The following USP45 variants were observed in gnomAD, a reference collection of about 807,000 sequenced individuals.
The protein encoded by USP45 is ubiquitin carboxyl-terminal hydrolase 45.
In USP45, 89 loss-of-function variants were observed where a neutral mutation model predicts 95.8. The ratio of observed to expected loss-of-function variants is 0.93; its 90% CI spans 0.78 to 1.11. The LOEUF is 1.11. USP45 is among the 50% of genes least tolerant of loss of function. The pLI, the probability that USP45 is intolerant of heterozygous loss-of-function variation, is 0.00. For missense variants in USP45, 898 were observed against 942.5 expected, an observed-to-expected ratio of 0.95 and a Z score of 0.62; for synonymous variants, 281 against 316.2, an observed-to-expected ratio of 0.89 and a Z score of 1.18.
intron 10 of USP45, among the ~76,000 whole-genome samples, chr6:99,467,722 C>T (rs1296931385): frequency 1.3e-5 from 2 of 151,906 alleles, no homozygotes; most frequent in African/African-American, 4.8e-5. Context: ...ACTATCTCAA[C>T]ACAAAAGAAC....
chr6:99,516,006 T>C (rs796282902), upstream of USP45, among the ~76,000 whole-genome samples: 104 of 152,086 alleles, frequency 6.8e-4, no homozygotes, highest in African/African-American at 2.3e-3. Context: ...CTCGATCTCC[T>C]GACCTTGTGA....
At position 99,433,343 on chromosome 6, in the gene USP45, TTGA is replaced by T. The variant is rs1348647536; in HGVS notation, c.*2370_*2372del. On this transcript the variant is annotated 3_prime_UTR_variant, in exon 18 of 18. Coordinates refer to ENST00000500704, the MANE Select transcript of USP45 (RefSeq NM_001346022.3). ...TCATTCAAACACTATGGTAGTTATG[TTGA>T]TGATAAGTAAACATTATTATTTATT... is the stretch of plus-strand genomic sequence containing the variant. The T allele has an allele frequency of 4.6e-5, 7 of 152,628 alleles. No individual in the cohort carries two copies. Among genetic ancestry groups the T allele is most frequent in the African/African-American group, 1.7e-4 (7 of 41,446 alleles). The allele number at this position is 152,628 out of a possible 1,614,324, so 9.5% of individuals were successfully genotyped here.
At chr6:99,515,279 C>A (rs1040034379) in intron 1 of USP45, 113 bp downstream of exon 1, 1 of 152,188 alleles carries the variant, frequency 6.6e-6, no homozygotes, top group Non-Finnish European at 1.5e-5. Context: ...GGGTGGGGAG[C>A]CTCTCTTCCA....
At chr6:99,468,649 A>C (rs1296602936) in intron 9 of USP45, 31 bp from the exon 10 acceptor site, 5 of 1,458,954 alleles carry the variant, frequency 3.4e-6, no homozygotes, top group Non-Finnish European at 4.8e-6. Flanking sequence ...ATTCTGGTCT[A>C]ATAATAGTTA....
At chr6:99,507,378 A>AAAT in intron 4 of USP45, 50 bp downstream of exon 4, 1 of 1,162,508 alleles carries the variant, frequency 8.6e-7, no homozygotes, top group Non-Finnish European at 1.2e-6. Context: ...AAAAAAAAAA[A>AAAT]TTGGGGGGCT....
At chr6:99,516,408 G>A (rs1005994142), upstream of USP45, among the ~76,000 whole-genome samples, 9 of 152,194 alleles carry the variant, frequency 5.9e-5, no homozygotes, top group African/African-American at 1.7e-4. Context: ...GTGGCTTTAA[G>A]GATAAGAGCA....
intron 5 of USP45, among the ~76,000 whole-genome samples, chr6:99,489,776 G>C (rs769578198): frequency 2.0e-5 from 3 of 151,860 alleles, no homozygotes; most frequent in Non-Finnish European, 4.4e-5. Context: ...GTGAAAGCCC[G>C]TCTCTACTAA....
At chr6:99,447,441 G>A (rs921918339) in intron 13 of USP45, among the ~76,000 whole-genome samples, 1 of 152,110 alleles carries the variant, frequency 6.6e-6, no homozygotes, top group Admixed American at 6.5e-5. Flanking sequence ...AATAACATTA[G>A]CCAACAAGTT....
intron 9 of USP45, among the ~76,000 whole-genome samples, chr6:99,474,717 C>A (rs192526907): frequency 1.3e-5 from 2 of 152,272 alleles, no homozygotes; most frequent in Admixed American, 6.5e-5. Context: ...TGAGGCTGAA[C>A]CCAAACTCAC....
chr6:99,478,285 A>G (rs1263477235), intron 8 of USP45, among the ~76,000 whole-genome samples: 1 of 141,158 alleles, frequency 7.1e-6, no homozygotes, highest in African/African-American at 2.7e-5. Context: ...GATGATTTCT[A>G]GACTCTATGA....
intron 13 of USP45, among the ~76,000 whole-genome samples, chr6:99,448,211 G>A (rs1165554153): frequency 6.6e-6 from 1 of 152,236 alleles, no homozygotes; most frequent in Non-Finnish European, 1.5e-5. Flanking sequence ...GACGAGTTGA[G>A]AGAAGAAGGC....
chr6:99,484,854 C>G (rs796109135), intron 7 of USP45, among the ~76,000 whole-genome samples: 1 of 65,406 alleles, frequency 1.5e-5, no homozygotes, highest in Non-Finnish European at 3.2e-5. Flanking sequence ...AAAATAAAGT[C>G]TATTTTTTTT....
chr6:99,439,901 A>T (rs771699826), intron 15 of USP45, 46 bp from the exon 16 acceptor site: 1 of 1,477,464 alleles, frequency 6.8e-7, no homozygotes, highest in Non-Finnish European at 9.3e-7. Context: ...TTAGAAATAA[A>T]GCATTGTCTT....
intron 5 of USP45, among the ~76,000 whole-genome samples, chr6:99,491,317 A>G (rs1795120140): frequency 6.6e-6 from 1 of 152,240 alleles, no homozygotes; most frequent in Non-Finnish European, 1.5e-5. Flanking sequence ...AAGAAGCACT[A>G]CACAAACAAG....
At chr6:99,468,971 C>T (rs1009583179) in intron 9 of USP45, among the ~76,000 whole-genome samples, 4 of 152,072 alleles carry the variant, frequency 2.6e-5, no homozygotes, top group Non-Finnish European at 2.9e-5. Context: ...AATGACACTT[C>T]TTAATTAGGA....
At chr6:99,461,337 A>AT in intron 13 of USP45, 1 of 985,318 alleles carries the variant, frequency 1.0e-6, no homozygotes, top group Non-Finnish European at 1.2e-6. Flanking sequence ...ACTTCACATA[A>AT]TATCTTTTGG....
chr6:99,436,043 C>G (rs1047616435), intron 17 of USP45, among the ~76,000 whole-genome samples, 197 bp from the exon 18 acceptor site: 2 of 151,092 alleles, frequency 1.3e-5, no homozygotes, highest in African/African-American at 4.9e-5. Context: ...TCTGGAATAT[C>G]TGTGTAGAAT....
chr6:99,487,207 A>G (rs1157860216), intron 7 of USP45, among the ~76,000 whole-genome samples: 8 of 152,188 alleles, frequency 5.3e-5, no homozygotes, highest in Admixed American at 5.2e-4. Flanking sequence ...ATAAATCTCT[A>G]ACTAGTAAAG....
intron 13 of USP45, among the ~76,000 whole-genome samples, chr6:99,457,445 TAAGGA>T (rs1785359094): frequency 6.6e-6 from 1 of 152,134 alleles, no homozygotes; most frequent in African/African-American, 2.4e-5. Context: ...GGCCGATGCT[TAAGGA>T]AAATAGAAAA....
Sources: allele counts gnomAD v4.1 joint callset (sites outside exome capture counted in the v4.1 genomes callset), GRCh38; gene constraint gnomAD v4.1.1; transcripts MANE v1.5; gene names NCBI Gene and HGNC (gene_info 2026-07-23, HGNC 2026-07-21).